Variants in DNM2 observed in about 807,000 individuals in gnomAD.
The protein encoded by DNM2 is dynamin-2.
A neutral mutation model predicts 99.0 loss-of-function variants in DNM2; 15 were observed. The observed-to-expected ratio is 0.15, with a 90% CI of 0.10 to 0.23. The LOEUF is 0.23. Ranked by LOEUF, DNM2 falls within the 10% of genes least tolerant of loss-of-function variation. The pLI is 1.00. For synonymous variants in DNM2, 525 were observed against 481.2 expected, an observed-to-expected ratio of 1.09 and a Z score of -1.19; for missense variants, 742 against 1,189.4, an observed-to-expected ratio of 0.62 and a Z score of 5.53.
intron 2 of DNM2, among the ~76,000 whole-genome samples, chr19:10,768,279 A>G (rs190667515): frequency 9.2e-5 from 14 of 151,852 alleles, no homozygotes; most frequent in Non-Finnish European, 1.5e-4. Context: ...CGGTGAAACC[A>G]TGTCTCCACT....
At chr19:10,720,723 C>T (rs555102946) in intron 1 of DNM2, among the ~76,000 whole-genome samples, 1 of 151,986 alleles carries the variant, frequency 6.6e-6, no homozygotes, top group Non-Finnish European at 1.5e-5. Flanking sequence ...GAACCAGATC[C>T]GGTTTCAAAA....
intron 7 of DNM2, among the ~76,000 whole-genome samples, chr19:10,789,847 G>GTAAA (rs897399667): frequency 5.9e-5 from 9 of 152,038 alleles, no homozygotes; most frequent in East Asian, 5.8e-4. Flanking sequence ...AAATAAATAA[G>GTAAA]TAAATAAATA....
At chr19:10,718,811 G>T (rs894830599) in intron 1 of DNM2, among the ~76,000 whole-genome samples, 3 of 152,134 alleles carry the variant, frequency 2.0e-5, no homozygotes, top group Non-Finnish European at 4.4e-5. Context: ...CTGCGGTCTG[G>T]CTGGCTTGTT....
Position 10,830,063 on chromosome 19 carries a change from A to G in DNM2, c.2292-64A>G. Reference sequence around the variant, plus strand: ...CCCCACCTCAGGTTCTGGCAGCCACAGTGGCATGGCGGGGGCTCCTACTCC... The same window carrying G: ...CCCCACCTCAGGTTCTGGCAGCCACGGTGGCATGGCGGGGGCTCCTACTCC... On this transcript the variant is annotated intron_variant, in intron 19 of 20. Transcript: ENST00000389253. This position sits in a 1 kb window ranked among gnomAD's most constrained non-coding sequence, Gnocchi z 4.8. 6.2e-7 allele frequency: 1 copy of G among 1,611,568 alleles called. No individual in the cohort carries two copies. The highest frequency in any genetic ancestry group is 1.1e-5 in the South Asian group (1 of 91,056).
intron 1 of DNM2, among the ~76,000 whole-genome samples, chr19:10,731,089 G>T (rs555765738): frequency 6.6e-6 from 1 of 152,278 alleles, no homozygotes; most frequent in South Asian, 2.1e-4. Context: ...AGTCAAGCGG[G>T]CAGGAGCAGC....
chr19:10,720,242 T>TC (rs1013315785), intron 1 of DNM2, among the ~76,000 whole-genome samples: 9 of 150,658 alleles, frequency 6.0e-5, no homozygotes, highest in African/African-American at 2.2e-4. Context: ...AGACAGAGTC[T>TC]CCCTCTGTCA....
chr19:10,783,131 G>A lies in DNM2; in HGVS notation c.849+11G>A, dbSNP rs1402941909. The A allele has an allele frequency of 6.2e-7, 1 of 1,608,688 alleles. No homozygotes were observed. Among genetic ancestry groups the A allele is most frequent in the Non-Finnish European group, 8.5e-7 (1 of 1,180,012 alleles). On this transcript the variant is annotated intron_variant, in intron 6 of 20. Coordinates refer to ENST00000389253, the MANE Select transcript of DNM2 (RefSeq NM_001005361.3). ...AAGACGCTGAATCAGGTACTGCAAG[G>A]GTTTGCACGTAGTGTGCAGTGGCAT...
intron 5 of DNM2, among the ~76,000 whole-genome samples, chr19:10,782,659 A>T (rs2071419135): frequency 6.6e-6 from 1 of 152,148 alleles, no homozygotes; most frequent in Admixed American, 6.5e-5. Context: ...CTCCCGGCCG[A>T]GATTTTTTTC....
intron 6 of DNM2, 45 bp from the exon 7 acceptor site, chr19:10,786,519 T>A (rs752315474): frequency 1.2e-6 from 2 of 1,612,956 alleles, no homozygotes; most frequent in Admixed American, 3.3e-5. Context: ...CTCCCTGGTA[T>A]CCTGCCCATG....
At chr19:10,780,316 C>T (rs1185693451) in intron 5 of DNM2, 3 of 152,950 alleles carry the variant, frequency 2.0e-5, no homozygotes, top group African/African-American at 7.2e-5. Context: ...CCTACCCAAC[C>T]CCACGCCCTA....
intron 1 of DNM2, among the ~76,000 whole-genome samples, chr19:10,751,529 T>C (rs992593707): frequency 6.6e-6 from 1 of 152,144 alleles, no homozygotes; most frequent in African/African-American, 2.4e-5. Context: ...TGCTGCTGTG[T>C]CCCAGAAAAC....
At chr19:10,779,502 C>CTTTCTTTTTTTT (rs1290878626) in intron 5 of DNM2, among the ~76,000 whole-genome samples, 19 of 29,628 alleles carry the variant, frequency 6.4e-4, no homozygotes, top group Non-Finnish European at 8.1e-4. Flanking sequence ...TTCTTTCTTT[C>CTTTCTTTTTTTT]TTTTTTTTTT....
At chr19:10,719,114 G>A (rs928860516) in intron 1 of DNM2, among the ~76,000 whole-genome samples, 1 of 152,158 alleles carries the variant, frequency 6.6e-6, no homozygotes. Context: ...CTTACAGCTT[G>A]ATTCCTGGCT....
intron 1 of DNM2, among the ~76,000 whole-genome samples, chr19:10,723,862 C>T (rs961208016): frequency 3.9e-5 from 6 of 152,164 alleles, no homozygotes; most frequent in African/African-American, 1.4e-4. Context: ...GGGATCCAGG[C>T]GGGAGGATCA....
chr19:10,802,750 C>T (rs906198736), intron 12 of DNM2, among the ~76,000 whole-genome samples: 6 of 152,316 alleles, frequency 3.9e-5, no homozygotes, highest in South Asian at 2.1e-4. Context: ...CTCAGGGCTC[C>T]GGAAGCTGCT....
intron 2 of DNM2, among the ~76,000 whole-genome samples, chr19:10,768,086 T>G (rs1299210735): frequency 6.6e-6 from 1 of 152,166 alleles, no homozygotes; most frequent in Non-Finnish European, 1.5e-5. Flanking sequence ...TTCTGGCACC[T>G]GCTGTCCATA....
chr19:10,777,406 C>T (rs1182705489), intron 5 of DNM2, among the ~76,000 whole-genome samples, 190 bp downstream of exon 5: 1 of 152,058 alleles, frequency 6.6e-6, no homozygotes, highest in African/African-American at 2.4e-5. Flanking sequence ...TTCAAGTGCA[C>T]AATTAACACC....
intron 1 of DNM2, among the ~76,000 whole-genome samples, chr19:10,747,042 T>C (rs1243760110): frequency 6.6e-6 from 1 of 151,526 alleles, no homozygotes; most frequent in African/African-American, 2.4e-5. Context: ...CAACCAATTT[T>C]TTTTTTTTTT....
Position 10,772,748 on chromosome 19 carries a change from A to G in DNM2, c.385+120A>G. On this transcript the variant is annotated intron_variant, in intron 3 of 20. Transcript: ENST00000389253. This position sits in a 1 kb window ranked among gnomAD's most constrained non-coding sequence, Gnocchi z 4.9. ...ATGTGCCCATTCACAAACAGTTGAT[A>G]TTCACACACACATAGCCCCTTGATC... is the stretch of plus-strand genomic sequence containing the variant. 4.9e-6 allele frequency: 7 copies of G among 1,430,208 alleles called. No individual in the cohort carries two copies. The South Asian group carries it at 8.4e-5, about 17-fold the overall frequency. 88.6% of individuals were successfully genotyped at this position (1,430,208 alleles called of 1,614,324 possible). A position where few individuals can be genotyped will look rare whatever the true frequency, so the allele number is the denominator to read the frequency against.
Sources: allele counts gnomAD v4.1 joint callset (sites outside exome capture counted in the v4.1 genomes callset), GRCh38; gene constraint gnomAD v4.1.1; non-coding constraint Gnocchi (gnomAD v3.1); transcripts MANE v1.5; gene names NCBI Gene and HGNC (gene_info 2026-07-23, HGNC 2026-07-21).